The following DNAJA4 variants were observed in gnomAD, a reference collection of about 807,000 sequenced individuals.
The protein encoded by DNAJA4 is dnaJ homolog subfamily A member 4.
A neutral mutation model predicts 39.7 loss-of-function variants in DNAJA4; 32 were observed. That is an observed-to-expected ratio of 0.81 (90% CI 0.61 to 1.08). The LOEUF (loss-of-function observed/expected upper bound fraction) is 1.08. DNAJA4 is among the 50% of genes least tolerant of loss of function. The pLI is 0.00. For synonymous variants in DNAJA4, 184 were observed against 182.4 expected, an observed-to-expected ratio of 1.01 and a Z score of -0.07; for missense variants, 439 against 505.1, an observed-to-expected ratio of 0.87 and a Z score of 1.25.
At position 78,264,681 on chromosome 15, in the gene DNAJA4, G is replaced by A; in HGVS notation, c.-83G>A. On this transcript the variant is annotated 5_prime_UTR_variant, in exon 1 of 7. Transcript: ENST00000394852. ...ACGCGCGAGCGGGCGGCGGGGGCGC[G>A]GGCCAGGGGCGCGGGCCAGGGTGCC... The A allele has an allele frequency of 9.7e-7, 1 of 1,033,316 alleles. No individual in the cohort carries two copies. The highest frequency in any genetic ancestry group is 1.2e-6 in the Non-Finnish European group (1 of 858,234). 64.0% of individuals were successfully genotyped at this position (1,033,316 alleles called of 1,614,324 possible).
chr15:78,270,812 C>A, intron 2 of DNAJA4, 135 bp downstream of exon 2: 1 of 957,868 alleles, frequency 1.0e-6, no homozygotes, highest in Non-Finnish European at 1.5e-6. Flanking sequence ...AATTTCAGCA[C>A]TTTGGGAGGC....
chr15:78,279,353 C>T lies in DNAJA4; in HGVS notation c.878-692C>T, dbSNP rs1280189668. The T allele has an allele frequency of 2.0e-5, 3 of 152,260 alleles. No individual in the cohort carries two copies. The highest frequency in any genetic ancestry group is 2.9e-5 in the Non-Finnish European group (2 of 68,108). The allele number at this position is 152,260 out of a possible 1,614,324, so 9.4% of individuals were successfully genotyped here. On this transcript the variant is annotated intron_variant, in intron 5 of 6. Coordinates refer to ENST00000394852, the MANE Select transcript of DNAJA4 (RefSeq NM_001130182.2). The surrounding 1 kb of genome is among the most constrained non-coding windows in gnomAD (Gnocchi z 4.5). The stretch of plus-strand genomic sequence containing the variant: ...AAACCCTTTTGTCCCTTTCCTTTTC[C>T]ATGCTTAGAGGGAAGTTTCTGACTT...
Position 78,270,697 on chromosome 15 carries a change from C to T in DNAJA4, c.313+20C>T, listed in dbSNP as rs1567116363. On this transcript the variant is annotated intron_variant, in intron 2 of 6. Coordinates refer to ENST00000394852, the MANE Select transcript of DNAJA4 (RefSeq NM_001130182.2). ...GAAGAGGTAAATGCTTTTAAAGAAA[C>T]ATAAATAAGTTGTATGGTTTCCACA... The T allele has an allele frequency of 6.2e-7, 1 of 1,607,214 alleles. No individual in the cohort carries two copies. Among genetic ancestry groups the T allele is most frequent in the Non-Finnish European group, 8.5e-7 (1 of 1,175,988 alleles).
rs6996 is a variant in DNAJA4 at position 78,281,145 on chromosome 15, A to T, written c.*685A>T. 28,417 of 152,658 alleles carry T rather than the reference A, an allele frequency of 0.19. 3,176 individuals carry two copies. The highest frequency in any genetic ancestry group is 0.31 in the Admixed American group (4,732 of 15,284). The allele number at this position is 152,658 out of a possible 1,614,324, so 9.5% of individuals were successfully genotyped here. On this transcript the variant is annotated 3_prime_UTR_variant, in exon 7 of 7. Coordinates refer to ENST00000394852, the MANE Select transcript of DNAJA4 (RefSeq NM_001130182.2). ...GAGGACAAACCAGTGTTTGAATCATATGCTGATAACTGTTTGCCTGTGACC... is the reference window on the plus strand; with the variant it reads ...GAGGACAAACCAGTGTTTGAATCATTTGCTGATAACTGTTTGCCTGTGACC...
intron 5 of DNAJA4, among the ~76,000 whole-genome samples, chr15:78,278,530 G>A (rs1175439898): frequency 2.0e-5 from 3 of 152,234 alleles, no homozygotes; most frequent in Admixed American, 2.0e-4. Context: ...GTGGGCAGTT[G>A]TAGTACGATG....
At chr15:78,275,456 T>G in intron 4 of DNAJA4, 42 bp from the exon 5 acceptor site, 1 of 1,507,988 alleles carries the variant, frequency 6.6e-7, no homozygotes, top group Non-Finnish European at 9.2e-7. Flanking sequence ...AAGCATGGTT[T>G]GTATGAGAAA....
chr15:78,271,409 G>A (rs1255925505), intron 2 of DNAJA4, among the ~76,000 whole-genome samples: 2 of 152,020 alleles, frequency 1.3e-5, no homozygotes, highest in Admixed American at 6.5e-5. Flanking sequence ...CCTGACCTGG[G>A]CGTGGGCTGC....
intron 1 of DNAJA4, chr15:78,265,717 G>A (rs1370007314): frequency 2.9e-6 from 2 of 695,356 alleles, no homozygotes; most frequent in African/African-American, 1.8e-5. Context: ...AGGAAAGGCT[G>A]CTAACCCTCC....
chr15:78,278,450 C>T (rs991970127), intron 5 of DNAJA4: 1 of 369,408 alleles, frequency 2.7e-6, no homozygotes, highest in Non-Finnish European at 5.4e-6. Context: ...CCTGCTACAC[C>T]CTAGGCTGTG....
At chr15:78,274,712 G>A in intron 4 of DNAJA4, 4 of 437,816 alleles carry the variant, frequency 9.1e-6, no homozygotes, top group South Asian at 6.7e-5. Context: ...CTTGGTTTGG[G>A]TTAGTTGCCA....
Position 78,270,659 on chromosome 15 carries a change from A to G in DNAJA4, c.295A>G (p.Met99Val). ...CATGTTCTTTGGTGGTGGTGGACGG[A>G]TGGCTAGAGAGAGAAGAGGTAAATG... ...FDMFFGGGGR[M>V]ARERRGKNVV... Residue 99 changes from methionine (M) to valine (V), a missense_variant, in exon 2 of 7, where the codon ATG (methionine) becomes GTG (valine). Met to Val is a conservative substitution (Grantham distance 21). Coordinates refer to ENST00000394852, the MANE Select transcript of DNAJA4 (RefSeq NM_001130182.2). The G allele has an allele frequency of 6.2e-7, 1 of 1,613,870 alleles. No homozygotes were observed. The highest frequency in any genetic ancestry group is 2.2e-5 in the East Asian group (1 of 44,882).
At chr15:78,274,072 T>C (rs2049376515) in intron 3 of DNAJA4, 125 bp from the exon 4 acceptor site, 3 of 786,618 alleles carry the variant, frequency 3.8e-6, no homozygotes, top group Non-Finnish European at 6.0e-6. Context: ...TTTTTTATTA[T>C]TGTAAATAGA....
intron 1 of DNAJA4, 101 bp from the exon 2 acceptor site, chr15:78,270,396 G>A (rs1340848828): frequency 8.7e-6 from 11 of 1,271,456 alleles, no homozygotes; most frequent in Non-Finnish European, 1.1e-5. Flanking sequence ...CAAGGGTTTG[G>A]GGGCAGAATA....
chr15:78,278,391 TGTG>T (rs1415028890), intron 5 of DNAJA4: 4 of 431,126 alleles, frequency 9.3e-6, no homozygotes, highest in African/African-American at 6.0e-5. Flanking sequence ...GCGATGTCGT[TGTG>T]GTGTGAACAC....
chr15:78,264,591 T>A lies in DNAJA4; in HGVS notation c.-173T>A. ...CGGTGGAGCCAGGCGTGGAAGTCGG[T>A]CCGGCGCGGGGCGGGGGGCGGGCGG... On this transcript the variant is annotated 5_prime_UTR_variant, in exon 1 of 7. Transcript: ENST00000394852. 1 of 938,316 alleles carries A rather than the reference T, an allele frequency of 1.1e-6. No homozygotes were observed. The highest frequency in any genetic ancestry group is 1.3e-6 in the Non-Finnish European group (1 of 761,212). 58.1% of individuals were successfully genotyped at this position (938,316 alleles called of 1,614,324 possible). A position where few individuals can be genotyped will look rare whatever the true frequency, so the allele number is the denominator to read the frequency against.
intron 3 of DNAJA4, among the ~76,000 whole-genome samples, chr15:78,273,945 A>T (rs1277246551): frequency 6.6e-6 from 1 of 152,200 alleles, no homozygotes; most frequent in Non-Finnish European, 1.5e-5. Flanking sequence ...AACACATTTG[A>T]TGAAGCTAAA....
At position 78,274,380 on chromosome 15, in the gene DNAJA4, A is replaced by G. The variant is rs574964556; in HGVS notation, c.602A>G (p.Lys201Arg). The G allele has an allele frequency of 7.4e-6, 12 of 1,614,240 alleles. No individual in the cohort carries two copies. Among genetic ancestry groups the G allele is most frequent in the Admixed American group, 1.7e-5 (1 of 60,026 alleles). ...CGCTGCGAGAGCTGCAGCGGGGCCAAGGTGATCCGTGAGAAGAAGATTATC... is the reference window on the plus strand; with the variant it reads ...CGCTGCGAGAGCTGCAGCGGGGCCAGGGTGATCCGTGAGAAGAAGATTATC... Reference protein sequence around the residue: ...KDRCESCSGAKVIREKKIIEV... With the variant: ...KDRCESCSGARVIREKKIIEV... The change falls in exon 4 of 7, where the codon AAG becomes AGG. Residue 201 changes from lysine (K) to arginine (R), a missense_variant. Transcript: ENST00000394852.
rs2049381336 is a variant in DNAJA4, at chr15:78,274,243, G to A, written c.465G>A (p.Lys155=). The change falls in exon 4 of 7, where the codon AAG becomes AAA. Residue 155 remains lysine, a synonymous_variant. Transcript: ENST00000394852. ...KGSVEKCPLC[K]GRGMQIHIQQ... ...CGGTGGAGAAGTGCCCGCTGTGCAAGGGGCGGGGGATGCAGATCCACATCC... is the reference window on the plus strand; with the variant it reads ...CGGTGGAGAAGTGCCCGCTGTGCAAAGGGCGGGGGATGCAGATCCACATCC... 1 of 1,614,172 alleles carries A rather than the reference G, an allele frequency of 6.2e-7. No homozygotes were observed. Among genetic ancestry groups the A allele is most frequent in the Non-Finnish European group, 8.5e-7 (1 of 1,180,030 alleles).
chr15:78,274,132 C>G, intron 3 of DNAJA4, 65 bp from the exon 4 acceptor site: 1 of 1,492,140 alleles, frequency 6.7e-7, no homozygotes. Context: ...TCTGCCATGG[C>G]GCCCAGCAGG....
Sources: allele counts gnomAD v4.1 joint callset (sites outside exome capture counted in the v4.1 genomes callset), GRCh38; gene constraint gnomAD v4.1.1; non-coding constraint Gnocchi (gnomAD v3.1); transcripts MANE v1.5; gene names NCBI Gene and HGNC (gene_info 2026-07-23, HGNC 2026-07-21).